GRIK2: variants seen among roughly 807,000 people sequenced by gnomAD.
GRIK2 encodes glutamate receptor ionotropic, kainate 2.
A neutral mutation model predicts 100.3 loss-of-function variants in GRIK2; 32 were observed. The ratio of observed to expected loss-of-function variants is 0.32; its 90% CI spans 0.24 to 0.43. GRIK2 has a LOEUF of 0.43. Ranked by LOEUF, GRIK2 falls within the 20% of genes least tolerant of loss-of-function variation. The pLI is 1.00. For synonymous variants in GRIK2, 417 were observed against 389.4 expected, an observed-to-expected ratio of 1.07 and a Z score of -0.83; for missense variants, 843 against 1,114.9, an observed-to-expected ratio of 0.76 and a Z score of 3.47.
chr6:101,827,882 G>T (rs1341464951), intron 10 of GRIK2, among the ~76,000 whole-genome samples: 1 of 151,860 alleles, frequency 6.6e-6, no homozygotes, highest in African/African-American at 2.4e-5. Context: ...GATTGAGGCA[G>T]AAAACAAAGA....
rs186077045 is a variant in GRIK2 at position 101,498,394 on chromosome 6, G to A, written c.115+99002G>A. On this transcript the variant is annotated intron_variant, in intron 2 of 16. Coordinates refer to ENST00000369134, the MANE Select transcript of GRIK2 (RefSeq NM_021956.5). The stretch of plus-strand genomic sequence containing the variant: ...TTGGGTATATTCCCAGTAATGAGAT[G>A]GCTGGGTCAAATGGTATTTCTAGTT... Among the ~76,000 whole-genome samples the A allele has an allele frequency of 9.5e-3, 1,444 of 152,096 alleles. 29 individuals are homozygous for A. The highest frequency in any genetic ancestry group is 0.025 in the South Asian group (119 of 4,818).
chr6:101,848,529 G>C (rs1235407930), intron 10 of GRIK2, among the ~76,000 whole-genome samples: 2 of 152,084 alleles, frequency 1.3e-5, no homozygotes, highest in Non-Finnish European at 2.9e-5. Flanking sequence ...ATGGATGAAT[G>C]AATACATCCA....
chr6:101,430,956 C>A, intron 2 of GRIK2: 1 of 306,288 alleles, frequency 3.3e-6, no homozygotes, highest in Non-Finnish European at 6.7e-6. Flanking sequence ...AAAGGCATAG[C>A]CCTCAAAGAT....
chr6:101,905,790 C>T (rs80138864), intron 12 of GRIK2, among the ~76,000 whole-genome samples: 14,108 of 151,280 alleles, frequency 0.093, 823 homozygotes, highest in Middle Eastern at 0.18. Context: ...CTCGCTCATT[C>T]ATAATTTCTA....
At chr6:101,587,285 A>G (rs1462186368) in intron 2 of GRIK2, among the ~76,000 whole-genome samples, 1 of 152,132 alleles carries the variant, frequency 6.6e-6, no homozygotes, top group Non-Finnish European at 1.5e-5. Flanking sequence ...CTTGGGGAAA[A>G]TTCCCCAAAT....
intron 4 of GRIK2, among the ~76,000 whole-genome samples, chr6:101,650,794 AT>A (rs2128328230): frequency 6.6e-6 from 1 of 152,124 alleles, no homozygotes; most frequent in South Asian, 2.1e-4. Context: ...GACTTGAAAA[AT>A]ATCTGATTTG....
intron 10 of GRIK2, among the ~76,000 whole-genome samples, chr6:101,858,688 C>T (rs1253362824): frequency 1.3e-5 from 2 of 151,636 alleles, no homozygotes; most frequent in East Asian, 3.9e-4. Context: ...GGTGCCTGGC[C>T]TTCTTCATCT....
intron 5 of GRIK2, 53 bp downstream of exon 5, chr6:101,676,857 A>G (rs1253296391): frequency 4.0e-6 from 4 of 995,036 alleles, no homozygotes; most frequent in Non-Finnish European, 6.1e-6. Flanking sequence ...TGCACTTACA[A>G]TATGATCTTC....
At chr6:101,494,598 A>G (rs890752536) in intron 2 of GRIK2, among the ~76,000 whole-genome samples, 1 of 151,966 alleles carries the variant, frequency 6.6e-6, no homozygotes, top group African/African-American at 2.4e-5. Flanking sequence ...GATAAATATT[A>G]TACATCTTAA....
chr6:101,924,736 G>A lies in GRIK2; in HGVS notation c.1867+17G>A, dbSNP rs748299713. 43 of 1,462,382 alleles carry A rather than the reference G, an allele frequency of 2.9e-5. No homozygotes were observed. In the South Asian group the frequency reaches 4.5e-4, roughly 15 times the overall value. 90.6% of individuals were successfully genotyped at this position (1,462,382 alleles called of 1,614,324 possible). On this transcript the variant is annotated intron_variant, in intron 13 of 16. Coordinates refer to ENST00000369134, the MANE Select transcript of GRIK2 (RefSeq NM_021956.5). ...TGCAGCAAGGTATACGATTCAGCCT[G>A]CTATTTCCTTTGGGCACCATGTCCC... is the stretch of plus-strand genomic sequence containing the variant.
chr6:101,909,707 T>C (rs990276218), intron 12 of GRIK2, among the ~76,000 whole-genome samples: 2 of 149,960 alleles, frequency 1.3e-5, no homozygotes, highest in Non-Finnish European at 3.0e-5. Context: ...AATGTGTGTA[T>C]GTGTGTAAGT....
At chr6:101,538,547 A>G (rs750492548) in intron 2 of GRIK2, among the ~76,000 whole-genome samples, 7 of 151,608 alleles carry the variant, frequency 4.6e-5, no homozygotes, top group African/African-American at 7.3e-5. Context: ...CTGAGCTCAT[A>G]ATTAAGACTA....
At chr6:101,397,803 A>G (rs1350129116) in intron 1 of GRIK2, among the ~76,000 whole-genome samples, 1 of 152,138 alleles carries the variant, frequency 6.6e-6, no homozygotes, top group Non-Finnish European at 1.5e-5. Flanking sequence ...GGTTATGAAA[A>G]ATAGATTAAT....
chr6:102,014,866 T>A (rs1440831989), intron 14 of GRIK2, among the ~76,000 whole-genome samples: 1 of 152,164 alleles, frequency 6.6e-6, no homozygotes. Context: ...ATGTAGTTGA[T>A]TTTAGAGTAT....
chr6:101,559,513 A>T (rs1347954446), intron 2 of GRIK2, among the ~76,000 whole-genome samples: 1 of 152,238 alleles, frequency 6.6e-6, no homozygotes, highest in African/African-American at 2.4e-5. Flanking sequence ...TTATTTGGAG[A>T]TTACAATTAT....
chr6:101,657,408 T>G (rs1274066853), intron 4 of GRIK2, among the ~76,000 whole-genome samples: 1 of 152,156 alleles, frequency 6.6e-6, no homozygotes, highest in Non-Finnish European at 1.5e-5. Flanking sequence ...GAACTTAAAG[T>G]CAATTAAACC....
intron 12 of GRIK2, among the ~76,000 whole-genome samples, chr6:101,923,706 A>G (rs748310638): frequency 6.6e-6 from 1 of 151,980 alleles, no homozygotes; most frequent in South Asian, 2.1e-4. Context: ...GGATTGTCTG[A>G]GCTCAGGAGT....
intron 10 of GRIK2, among the ~76,000 whole-genome samples, chr6:101,821,553 A>C (rs1436794835): frequency 1.3e-5 from 2 of 152,126 alleles, no homozygotes; most frequent in Non-Finnish European, 1.5e-5. Context: ...TTTAATAAAC[A>C]GGTTATTTAT....
At chr6:101,657,659 C>G (rs1037879632) in intron 4 of GRIK2, among the ~76,000 whole-genome samples, 13 of 152,152 alleles carry the variant, frequency 8.5e-5, no homozygotes, top group African/African-American at 3.1e-4. Context: ...TGTTATATTC[C>G]AGTCTTATGA....
Sources: gnomAD v4.1 joint callset for allele counts (sites outside exome capture counted in the v4.1 genomes callset) on GRCh38, gnomAD v4.1.1 for gene constraint, MANE v1.5 for transcripts, NCBI Gene and HGNC (gene_info 2026-07-23, HGNC 2026-07-21) for gene names.